TMEM63C: variants seen among roughly 807,000 people sequenced by gnomAD.
TMEM63C encodes transmembrane protein 63C.
A neutral mutation model predicts 99.2 loss-of-function variants in TMEM63C; 32 were observed. The ratio of observed to expected loss-of-function variants is 0.32; its 90% CI spans 0.24 to 0.43. The LOEUF (loss-of-function observed/expected upper bound fraction) is 0.43, where lower values mean the gene tolerates loss of function less well. Among genes scored for constraint, TMEM63C ranks in the 20% least tolerant of loss-of-function variants. The pLI is 1.00. For missense variants in TMEM63C, 826 were observed against 1,053.0 expected, an observed-to-expected ratio of 0.78 and a Z score of 2.98; for synonymous variants, 376 against 397.9, an observed-to-expected ratio of 0.94 and a Z score of 0.66.
chr14:77,227,832 A>G (rs1888856578), intron 6 of TMEM63C, among the ~76,000 whole-genome samples: 1 of 152,172 alleles, frequency 6.6e-6, no homozygotes, highest in Admixed American at 6.5e-5. Context: ...TGTCCAAGAC[A>G]CAGAGGCAGA....
At position 77,256,627 on chromosome 14, in the gene TMEM63C, G is replaced by A. The variant is rs1431222554; in HGVS notation, c.2322G>A (p.Glu774=). The A allele has an allele frequency of 5.0e-6, 8 of 1,613,916 alleles. No homozygotes were observed. The highest frequency in any genetic ancestry group is 6.8e-6 in the Non-Finnish European group (8 of 1,179,888). ...TYGTMNNQPE[E]GEEESGLRGF... ...GCACCATGAACAACCAGCCGGAAGAGGGAGAAGAAGAGAGTGGTCTGAGGG... is the reference window on the plus strand; with the variant it reads ...GCACCATGAACAACCAGCCGGAAGAAGGAGAAGAAGAGAGTGGTCTGAGGG... The change falls in exon 24 of 24, where the codon GAG becomes GAA. Residue 774 remains glutamate, a synonymous_variant. Transcript: ENST00000298351.
At chr14:77,182,454 C>T (rs1294845397) in intron 1 of TMEM63C, among the ~76,000 whole-genome samples, 2 of 152,210 alleles carry the variant, frequency 1.3e-5, no homozygotes, top group Non-Finnish European at 2.9e-5. Context: ...CCTCCCTACT[C>T]GCCCTGGCCT....
intron 6 of TMEM63C, 55 bp downstream of exon 6, chr14:77,225,516 G>A: frequency 6.3e-7 from 1 of 1,593,934 alleles, no homozygotes; most frequent in Admixed American, 1.7e-5. Flanking sequence ...GGTGGGGGGT[G>A]GAGGCTCCTG....
At chr14:77,223,659 A>G (rs1441547807) in intron 5 of TMEM63C, among the ~76,000 whole-genome samples, 1 of 152,006 alleles carries the variant, frequency 6.6e-6, no homozygotes, top group East Asian at 1.9e-4. Flanking sequence ...ATGTGTGTGC[A>G]CACACACATG....
intron 1 of TMEM63C, among the ~76,000 whole-genome samples, chr14:77,208,641 G>C (rs919323760): frequency 6.6e-6 from 1 of 152,234 alleles, no homozygotes; most frequent in African/African-American, 2.4e-5. Flanking sequence ...ATATAGGAAG[G>C]CACAGAGGTG....
intron 19 of TMEM63C, 126 bp from the exon 20 acceptor site, chr14:77,248,641 G>T: frequency 6.7e-7 from 1 of 1,486,738 alleles, no homozygotes; most frequent in Non-Finnish European, 9.3e-7. Context: ...GGGGCACCTT[G>T]GTCTACAGGG....
chr14:77,232,836 C>T (rs1291595065), intron 7 of TMEM63C, among the ~76,000 whole-genome samples: 2 of 152,234 alleles, frequency 1.3e-5, no homozygotes, highest in African/African-American at 4.8e-5. Context: ...CAGCTTTCCC[C>T]TGATTCCTCA....
intron 5 of TMEM63C, among the ~76,000 whole-genome samples, chr14:77,220,328 ATATCT>A (rs1046681986): frequency 1.8e-4 from 28 of 152,288 alleles, no homozygotes; most frequent in African/African-American, 5.8e-4. Context: ...ACGAATTAAG[ATATCT>A]TAGAGAGATT....
intron 1 of TMEM63C, among the ~76,000 whole-genome samples, chr14:77,201,855 G>A (rs1169369202): frequency 1.3e-5 from 2 of 152,236 alleles, no homozygotes; most frequent in African/African-American, 4.8e-5. Context: ...TGGGCCCCCA[G>A]GACATGGCTC....
At chr14:77,237,349 C>T (rs75339322) in intron 9 of TMEM63C, among the ~76,000 whole-genome samples, 5,125 of 152,204 alleles carry the variant, frequency 0.034, 301 homozygotes, top group African/African-American at 0.12. Context: ...GTATCCCCAC[C>T]GTCTCAGTTT....
chr14:77,228,370 G>A (rs1005821444), intron 6 of TMEM63C, among the ~76,000 whole-genome samples: 9 of 149,576 alleles, frequency 6.0e-5, no homozygotes, highest in African/African-American at 2.2e-4. Flanking sequence ...ACCTTCCCCC[G>A]CTCTCCAGAA....
chr14:77,204,972 G>A (rs1461451315), intron 1 of TMEM63C, among the ~76,000 whole-genome samples: 1 of 152,210 alleles, frequency 6.6e-6, no homozygotes. Flanking sequence ...AAGATGCTCA[G>A]AGGCACAGGA....
Position 77,249,144 on chromosome 14 carries a change from C to G in TMEM63C, c.1871-147C>G, listed in dbSNP as rs1889315063. On this transcript the variant is annotated intron_variant, in intron 20 of 23. Transcript: ENST00000298351. ...AAGGGAAGCTGCTGGCTCCGGAGGT[C>G]AGTACCACGGAGCTCCCCCAACCCA... 4 of 825,652 alleles carry G rather than the reference C, an allele frequency of 4.8e-6. No homozygotes were observed. The South Asian group carries it at 4.9e-5, about 10-fold the overall frequency. The allele number at this position is 825,652 out of a possible 1,614,324, so 51.1% of individuals were successfully genotyped here.
chr14:77,196,760 G>A (rs1001810783), intron 1 of TMEM63C, among the ~76,000 whole-genome samples: 3 of 152,232 alleles, frequency 2.0e-5, no homozygotes, highest in Non-Finnish European at 4.4e-5. Context: ...AGTATTACTT[G>A]TATCAATAGT....
At chr14:77,192,084 T>C (rs1429160518) in intron 1 of TMEM63C, among the ~76,000 whole-genome samples, 1 of 152,226 alleles carries the variant, frequency 6.6e-6, no homozygotes, top group Admixed American at 6.5e-5. Context: ...GTGGCAGCTT[T>C]TGACTGATAT....
At chr14:77,190,248 A>G (rs1888080106) in intron 1 of TMEM63C, among the ~76,000 whole-genome samples, 1 of 152,140 alleles carries the variant, frequency 6.6e-6, no homozygotes, top group Non-Finnish European at 1.5e-5. Context: ...GAAAGTCCCA[A>G]CAGACCAATA....
At chr14:77,243,107 T>G (rs409109) in intron 15 of TMEM63C, 51 bp downstream of exon 15, 1,243,120 of 1,600,798 alleles carry the variant, frequency 0.78, 484,715 homozygotes, top group East Asian at 0.93. Flanking sequence ...GATCAAGGAA[T>G]AATTCAGGCG....
intron 7 of TMEM63C, among the ~76,000 whole-genome samples, chr14:77,232,516 T>C (rs1355363757): frequency 2.0e-5 from 3 of 151,992 alleles, no homozygotes; most frequent in South Asian, 4.2e-4. Flanking sequence ...TCAAACTCCT[T>C]ACCTCCAGTG....
chr14:77,248,271 T>A, intron 18 of TMEM63C, 76 bp from the exon 19 acceptor site: 2 of 1,350,660 alleles, frequency 1.5e-6, no homozygotes, highest in Non-Finnish European at 2.1e-6. Context: ...GCTGCTCTCC[T>A]CTCTCTCCTC....
Sources: gnomAD v4.1 joint callset for allele counts (sites outside exome capture counted in the v4.1 genomes callset) on GRCh38, gnomAD v4.1.1 for gene constraint, MANE v1.5 for transcripts, NCBI Gene and HGNC (gene_info 2026-07-23, HGNC 2026-07-21) for gene names.